CPNE4: variants seen among roughly 807,000 people sequenced by gnomAD.
CPNE4 encodes copine 4.
Under a neutral mutation model 67.9 loss-of-function variants are expected in CPNE4, and 25 were observed. That is an observed-to-expected ratio of 0.37 (90% CI 0.27 to 0.51). CPNE4 has a LOEUF of 0.51. Ranked by LOEUF, CPNE4 falls within the 20% of genes least tolerant of loss-of-function variation. CPNE4 has a pLI of 0.93. For missense variants in CPNE4, 464 were observed against 690.8 expected (o/e 0.67, Z 3.68); for synonymous variants, 242 against 244.9 (o/e 0.99, Z 0.11).
intron 2 of CPNE4, among the ~76,000 whole-genome samples, chr3:131,810,673 C>T (rs1488549046): frequency 2.0e-5 from 3 of 152,078 alleles, no homozygotes; most frequent in Admixed American, 6.6e-5. Flanking sequence ...TCCAGCAAAC[C>T]CACTTCTGGG....
intron 1 of CPNE4, among the ~76,000 whole-genome samples, chr3:131,996,497 AAAG>A: frequency 6.6e-6 from 1 of 151,532 alleles, no homozygotes; most frequent in African/African-American, 2.4e-5. Flanking sequence ...ATAATAAAAA[AAAG>A]AGAGAAAGGG....
chr3:131,989,436 T>TTCC, intron 1 of CPNE4, among the ~76,000 whole-genome samples: 2 of 85,692 alleles, frequency 2.3e-5, no homozygotes, highest in Admixed American at 1.8e-4. Flanking sequence ...AGGCTTTAAC[T>TTCC]ACAAATACAT....
At chr3:131,579,973 A>G (rs1435248678) in intron 9 of CPNE4, among the ~76,000 whole-genome samples, 2 of 152,212 alleles carry the variant, frequency 1.3e-5, no homozygotes, top group South Asian at 2.1e-4. Flanking sequence ...AAGTTCTGCC[A>G]TGGGCAAAAT....
Position 131,800,011 on chromosome 3 carries a change from T to C in CPNE4, c.181-76386A>G, listed in dbSNP as rs1002457728. Reference sequence around the variant, plus strand: ...TTTTCTTTTTCTTTTTAATTTTAGATTCAGAGGGTACATATGCAGGTTTGT... The same window carrying C: ...TTTTCTTTTTCTTTTTAATTTTAGACTCAGAGGGTACATATGCAGGTTTGT... On this transcript the variant is annotated intron_variant, in intron 2 of 15. Transcript: ENST00000429747. Among the ~76,000 whole-genome samples, 4 of 151,922 alleles carry C rather than the reference T, an allele frequency of 2.6e-5. No homozygotes were observed. The South Asian group carries it at 8.3e-4, about 32-fold the overall frequency.
At chr3:131,879,230 G>A (rs1297920919) in intron 2 of CPNE4, among the ~76,000 whole-genome samples, 4 of 152,168 alleles carry the variant, frequency 2.6e-5, no homozygotes, top group Non-Finnish European at 5.9e-5. Flanking sequence ...TGTGATTAAA[G>A]TGAATGAAAT....
Position 131,809,134 on chromosome 3 carries a change from A to G in CPNE4, c.181-85509T>C, listed in dbSNP as rs78196667. ...AGGCTGCTAATCAGCTGAACTTAAT[A>G]TAGGGAGATTATCTTAAATTATCCT... On this transcript the variant is annotated intron_variant, in intron 2 of 15. Transcript: ENST00000429747. Among the ~76,000 whole-genome samples, 1,070 of 152,282 alleles carry G rather than the reference A, an allele frequency of 7.0e-3. 12 individuals carry two copies. Among genetic ancestry groups the G allele is most frequent in the African/African-American group, 0.025 (1,020 of 41,570 alleles).
chr3:131,635,482 T>A (rs1158020203), intron 7 of CPNE4, among the ~76,000 whole-genome samples: 2 of 152,238 alleles, frequency 1.3e-5, no homozygotes, highest in African/African-American at 4.8e-5. Context: ...ACTAGCCACA[T>A]GCAGCTCTTT....
intron 1 of CPNE4, among the ~76,000 whole-genome samples, chr3:131,922,613 T>G (rs1485831055): frequency 6.6e-6 from 1 of 152,180 alleles, no homozygotes; most frequent in Non-Finnish European, 1.5e-5. Context: ...TGAGTATCAT[T>G]TGGGTGCTAC....
intron 1 of CPNE4, among the ~76,000 whole-genome samples, chr3:131,971,087 A>C (rs1452023936): frequency 1.3e-5 from 2 of 152,186 alleles, no homozygotes; most frequent in Non-Finnish European, 2.9e-5. Flanking sequence ...AGAAAGATCT[A>C]AAGAGTCCAA....
chr3:131,819,760 C>T (rs2084893150), intron 2 of CPNE4, among the ~76,000 whole-genome samples: 1 of 152,026 alleles, frequency 6.6e-6, no homozygotes, highest in Admixed American at 6.6e-5. Flanking sequence ...TAGGCTAAAA[C>T]AATAGGCATT....
chr3:131,650,315 G>A (rs2079776556), intron 7 of CPNE4, among the ~76,000 whole-genome samples: 1 of 152,122 alleles, frequency 6.6e-6, no homozygotes, highest in Admixed American at 6.5e-5. Flanking sequence ...TCCTGCCCAC[G>A]CTCAAGGAGA....
At chr3:131,857,176 T>G (rs1401676421) in intron 2 of CPNE4, among the ~76,000 whole-genome samples, 1 of 152,030 alleles carries the variant, frequency 6.6e-6, no homozygotes, top group Non-Finnish European at 1.5e-5. Context: ...TGAAAGATAC[T>G]CTGTGCTAAT....
chr3:131,664,087 T>G (rs143759052), intron 7 of CPNE4, among the ~76,000 whole-genome samples: 2 of 152,260 alleles, frequency 1.3e-5, no homozygotes, highest in East Asian at 3.9e-4. Context: ...ATGTTACTTG[T>G]GTGGTTTGGA....
intron 7 of CPNE4, among the ~76,000 whole-genome samples, chr3:131,608,226 T>C (rs1055941735): frequency 5.9e-5 from 9 of 152,168 alleles, no homozygotes; most frequent in African/African-American, 2.2e-4. Context: ...ATGAAAACTA[T>C]CCCTTTCCTT....
At chr3:131,729,704 A>G (rs908700281) in intron 2 of CPNE4, among the ~76,000 whole-genome samples, 4 of 152,192 alleles carry the variant, frequency 2.6e-5, no homozygotes, top group Non-Finnish European at 5.9e-5. Flanking sequence ...GGAAACTTGA[A>G]TTGATTTGTG....
At chr3:131,929,612 G>A (rs4463012) in intron 1 of CPNE4, among the ~76,000 whole-genome samples, 54,287 of 151,698 alleles carry the variant, frequency 0.36, 10,337 homozygotes, top group African/African-American at 0.47. Context: ...AGATCTGCAA[G>A]GATCTGCCCC....
At chr3:131,757,281 T>G (rs1279726874) in intron 2 of CPNE4, among the ~76,000 whole-genome samples, 4 of 152,182 alleles carry the variant, frequency 2.6e-5, no homozygotes, top group African/African-American at 9.7e-5. Context: ...AAAATGCTGA[T>G]AGCGATATAG....
At chr3:131,756,483 G>A (rs1479917194) in intron 2 of CPNE4, among the ~76,000 whole-genome samples, 1 of 152,278 alleles carries the variant, frequency 6.6e-6, no homozygotes, top group East Asian at 1.9e-4. Context: ...ATTCCAAAGT[G>A]CCTTCACCTA....
At chr3:131,748,987 C>T (rs1215636509) in intron 2 of CPNE4, among the ~76,000 whole-genome samples, 1 of 150,892 alleles carries the variant, frequency 6.6e-6, no homozygotes, top group Non-Finnish European at 1.5e-5. Flanking sequence ...TCATTATTTC[C>T]TTCTTTCTTC....
Sources: gnomAD v4.1 joint callset for allele counts (sites outside exome capture counted in the v4.1 genomes callset) on GRCh38, gnomAD v4.1.1 for gene constraint, MANE v1.5 for transcripts, NCBI Gene and HGNC (gene_info 2026-07-23, HGNC 2026-07-21) for gene names.